The following NEB variants were observed in gnomAD, a reference collection of about 807,000 sequenced individuals.
NEB encodes nebulin.
A neutral mutation model predicts 952.2 loss-of-function variants in NEB; 512 were observed. That is an observed-to-expected ratio of 0.54 (90% CI 0.50 to 0.58). NEB has a LOEUF of 0.58. Ranked by LOEUF, NEB falls within the 20% of genes least tolerant of loss-of-function variation. The probability of loss-of-function intolerance (pLI) is 0.00; values close to 1 mark genes in which losing one functional copy is unlikely to be tolerated. For missense variants in NEB, 8,428 were observed against 9,231.1 expected (o/e 0.91, Z 3.56); for synonymous variants, 2,900 against 3,149.8 (o/e 0.92, Z 2.66).
In NEB at chr2:151,682,739, T is replaced by C; in HGVS notation, c.2866A>G (p.Met956Val). Residue 956 changes from methionine (M) to valine (V), a missense_variant, in exon 29 of 182, where the codon ATG (methionine) becomes GTG (valine). Physicochemically the swap from Met to Val is conservative, Grantham distance 21. Transcript: ENST00000397345. The stretch of plus-strand genomic sequence containing the variant: ...AAAGGCACCCAGCCACAACCTTTCA[T>C]CCAGCTATTGTAGTCAGCTTTGTAT... The part of the protein sequence containing the change: ...VEYKADYNSW[M>V]KGCGWVPFGS... 1.2e-6 allele frequency: 2 copies of C among 1,613,444 alleles called. No individual in the cohort carries two copies. The highest frequency in any genetic ancestry group is 2.7e-5 in the African/African-American group (2 of 75,026).
At chr2:151,490,602 T>C in intron 179 of NEB, 84 bp from the exon 180 acceptor site, 1 of 1,473,556 alleles carries the variant, frequency 6.8e-7, no homozygotes, top group South Asian at 1.2e-5. Flanking sequence ...ATCTCAGTTA[T>C]TGTTATCTTT....
intron 13 of NEB, among the ~76,000 whole-genome samples, chr2:151,703,913 T>C (rs2099688289): frequency 7.4e-6 from 1 of 134,710 alleles, no homozygotes; most frequent in African/African-American, 2.8e-5. Context: ...GGAACTGCGT[T>C]CCTTTGGAGG....
At chr2:151,495,190 A>ACAT (rs1352587535) in intron 173 of NEB, 1 of 152,228 alleles carries the variant, frequency 6.6e-6, no homozygotes, top group Non-Finnish European at 1.5e-5. Context: ...ACATAGTAAC[A>ACAT]CATCATGATA....
At chr2:151,559,146 T>C (rs2095858691) in intron 124 of NEB, among the ~76,000 whole-genome samples, 1 of 152,180 alleles carries the variant, frequency 6.6e-6, no homozygotes, top group South Asian at 2.1e-4. Context: ...GAACAGACAC[T>C]TCTCAAAAGA....
At chr2:151,697,838 G>A (rs1281961930) in intron 13 of NEB, among the ~76,000 whole-genome samples, 190 bp from the exon 14 acceptor site, 17 of 152,112 alleles carry the variant, frequency 1.1e-4, no homozygotes, top group South Asian at 6.2e-4. Flanking sequence ...AGGCCGAGGC[G>A]GGCGGATCAC....
At chr2:151,612,038 A>T in intron 78 of NEB, 148 bp downstream of exon 78, 2 of 790,576 alleles carry the variant, frequency 2.5e-6, no homozygotes, top group South Asian at 3.5e-5. Flanking sequence ...GCACACCTTG[A>T]ATTCAAGCAG....
chr2:151,724,195 T>C (rs1338022940), intron 8 of NEB, 65 bp downstream of exon 8: 11 of 1,208,780 alleles, frequency 9.1e-6, no homozygotes, highest in Non-Finnish European at 1.3e-5. Context: ...GTTCACCAAG[T>C]ATTACATGAA....
At chr2:151,499,926 A>G (rs1490569679) in intron 168 of NEB, among the ~76,000 whole-genome samples, 2 of 152,212 alleles carry the variant, frequency 1.3e-5, no homozygotes, top group Admixed American at 6.5e-5. Context: ...AATTTTGCCT[A>G]AATGCAATCT....
intron 72 of NEB, 99 bp from the exon 73 acceptor site, chr2:151,619,861 G>C: frequency 7.7e-7 from 1 of 1,301,636 alleles, no homozygotes. Context: ...TAAGGCAACA[G>C]AGGAGTTTCA....
At chr2:151,679,897 C>T in intron 31 of NEB, 21 bp downstream of exon 31, 6 of 1,604,052 alleles carry the variant, frequency 3.7e-6, no homozygotes, top group East Asian at 2.2e-5. Flanking sequence ...TACGCATCAG[C>T]CCGTGAGTCC....
rs201337732 is a variant in NEB at position 151,547,684 on chromosome 2, C to T, written c.20212G>A (p.Asp6738Asn). Residue 6738 changes from aspartate to asparagine, a missense_variant, in exon 132 of 182, where the codon GAT (aspartate) becomes AAT (asparagine). This residue lies in a region of NEB where 3,374 missense variants were observed against 3,651.5 expected (regional missense o/e 0.92). Coordinates refer to ENST00000397345, the MANE Select transcript of NEB (RefSeq NM_001164508.2). ...KLKDKIHTTP[D>N]TPEIRQVKKT... ...TTGACTTGGCGGATCTCAGGGGTAT[C>T]GGGAGTTGTATGGATCTTGTCTTTC... 214 of 1,613,738 alleles carry T rather than the reference C, an allele frequency of 1.3e-4. No homozygotes were observed. The highest frequency in any genetic ancestry group is 5.0e-4 in the Middle Eastern group (3 of 6,058).
intron 64 of NEB, among the ~76,000 whole-genome samples, chr2:151,634,998 G>A (rs999455762): frequency 2.0e-5 from 3 of 152,140 alleles, no homozygotes; most frequent in African/African-American, 7.2e-5. Flanking sequence ...GTGTAGGTGA[G>A]TCAGCAAGAG....
rs747252722 is a variant in NEB at position 151,633,985 on chromosome 2, A to G, written c.9103-20T>C. ...TTTGTACTAAAATGAAAATGCACAAATCAGGTTTTTATTGTAACCCCTTAG... is the reference window on the plus strand; with the variant it reads ...TTTGTACTAAAATGAAAATGCACAAGTCAGGTTTTTATTGTAACCCCTTAG... On this transcript the variant is annotated intron_variant, in intron 64 of 181. Transcript: ENST00000397345. 3.9e-5 allele frequency: 63 copies of G among 1,605,688 alleles called. 2 individuals are homozygous for G. The South Asian group carries it at 6.6e-4, about 17-fold the overall frequency.
chr2:151,640,013 C>T lies in NEB; in HGVS notation c.8733G>A (p.Val2911=), dbSNP rs1332714141. ...DLQWMRGIGW[V]SIGSLDVEKC... is the part of the protein sequence containing the mutation. ...TTTCCACATCCAAAGAGCCAATGGA[C>T]ACCCAGCCAATGCCTCTCATCCACT... Residue 2911 remains valine, a synonymous_variant, in exon 62 of 182, where the codon GTG becomes GTA. Coordinates refer to ENST00000397345, the MANE Select transcript of NEB (RefSeq NM_001164508.2). The T allele has an allele frequency of 3.1e-6, 5 of 1,613,836 alleles. No individual in the cohort carries two copies. In the African/African-American group the frequency reaches 6.7e-5, roughly 22 times the overall value.
chr2:151,683,308 G>A (rs1221220496), intron 28 of NEB, among the ~76,000 whole-genome samples: 1 of 152,136 alleles, frequency 6.6e-6, no homozygotes, highest in Non-Finnish European at 1.5e-5. Context: ...TAAAACAGTT[G>A]CACTCGTTAA....
intron 124 of NEB, 130 bp from the exon 125 acceptor site, chr2:151,555,174 T>C (rs1036774973): frequency 3.1e-6 from 2 of 648,526 alleles, no homozygotes; most frequent in Middle Eastern, 3.6e-4. Flanking sequence ...AACACTTCTC[T>C]GAACTCATTT....
At position 151,643,108 on chromosome 2, in the gene NEB, CA is replaced by C. The variant is rs751677850; in HGVS notation, c.8160+41del. On this transcript the variant is annotated intron_variant, in intron 58 of 181. Coordinates refer to ENST00000397345, the MANE Select transcript of NEB (RefSeq NM_001164508.2). ...AAACAGACTTCAGTGTTTCCATAAA[CA>C]AAAAAAATTAATAACCTCCTCAAAC... 120 of 1,559,170 alleles carry C rather than the reference CA, an allele frequency of 7.7e-5. No homozygotes were observed. In the East Asian group the frequency reaches 8.1e-4, roughly 11 times the overall value.
At chr2:151,676,579 C>A (rs1269261024) in intron 34 of NEB, among the ~76,000 whole-genome samples, 1 of 152,126 alleles carries the variant, frequency 6.6e-6, no homozygotes, top group Non-Finnish European at 1.5e-5. Flanking sequence ...CAATCCTGAA[C>A]CTTTTGCTTT....
Position 151,692,245 on chromosome 2 carries a change from C to T in NEB, c.1998+16G>A. The T allele has an allele frequency of 6.2e-7, 1 of 1,611,212 alleles. No individual in the cohort carries two copies. The highest frequency in any genetic ancestry group is 8.5e-7 in the Non-Finnish European group (1 of 1,177,400). ...GAAAGCCCTCCTACCCGAAAGGTAA[C>T]CGTGGCTTTTCGAACCTCACTGAAG... is the stretch of plus-strand genomic sequence containing the variant. On this transcript the variant is annotated intron_variant, in intron 21 of 181. Transcript: ENST00000397345.
Sources: gnomAD v4.1 joint callset for allele counts (sites outside exome capture counted in the v4.1 genomes callset) on GRCh38, gnomAD v4.1.1 for gene constraint, gnomAD v4.1.1 regional missense constraint, MANE v1.5 for transcripts, NCBI Gene and HGNC (gene_info 2026-07-23, HGNC 2026-07-21) for gene names.